The following TRANK1 variants were observed in gnomAD, a reference collection of about 807,000 sequenced individuals.
The protein encoded by TRANK1 is tetratricopeptide repeat and ankyrin repeat containing 1, also known as TPR and ankyrin repeat-containing protein 1.
A neutral mutation model predicts 266.0 loss-of-function variants in TRANK1; 198 were observed. The ratio of observed to expected loss-of-function variants is 0.74; its 90% confidence interval spans 0.66 to 0.84. The LOEUF (loss-of-function observed/expected upper bound fraction) is 0.84, where lower values mean the gene tolerates loss of function less well. Ranked by LOEUF, TRANK1 falls within the 40% of genes least tolerant of loss-of-function variation. The pLI, the probability that TRANK1 is intolerant of heterozygous loss-of-function variation, is 0.00. For missense variants in TRANK1, 3,326 were observed against 3,634.6 expected (o/e 0.92, Z 2.18); for synonymous variants, 1,396 against 1,384.1 (o/e 1.01, Z -0.19).
intron 8 of TRANK1, among the ~76,000 whole-genome samples, chr3:36,875,357 A>G (rs2079371678): frequency 6.6e-6 from 1 of 152,246 alleles, no homozygotes; most frequent in Admixed American, 6.5e-5. Flanking sequence ...CAGGACAAGG[A>G]ATGTGTGTGG....
At chr3:36,935,497 C>G (rs1287570908) in intron 1 of TRANK1, among the ~76,000 whole-genome samples, 1 of 132,318 alleles carries the variant, frequency 7.6e-6, no homozygotes, top group African/African-American at 3.0e-5. Context: ...GTTGCCCAGG[C>G]TGGAATGCAA....
At chr3:36,843,424 T>C (rs1390620569) in intron 17 of TRANK1, among the ~76,000 whole-genome samples, 2 of 152,086 alleles carry the variant, frequency 1.3e-5, no homozygotes, top group South Asian at 2.1e-4. Context: ...AGGTGACAAA[T>C]TTTACACTAT....
chr3:36,914,145 T>G (rs376530183), intron 1 of TRANK1, among the ~76,000 whole-genome samples: 31 of 152,144 alleles, frequency 2.0e-4, no homozygotes, highest in African/African-American at 7.0e-4. Flanking sequence ...GTTTTTGTTT[T>G]TTTTTTGAGA....
chr3:36,923,946 A>G, intron 1 of TRANK1, among the ~76,000 whole-genome samples: 1 of 151,628 alleles, frequency 6.6e-6, no homozygotes, highest in East Asian at 1.9e-4. Flanking sequence ...CCTGAAGGGA[A>G]GAAGACTCTC....
Position 36,889,941 on chromosome 3 carries a change from C to T in TRANK1, c.795G>A (p.Arg265=). ...CIQARENHLF[R]WLMDHKPEWK... is the part of the protein sequence containing the mutation. ...ACTCGGGCTTGTGATCCATTAACCA[C>T]CGGAAAAGATGGTTTTCTCCTGAAG... The change falls in exon 8 of 24, where the codon CGG becomes CGA. Residue 265 remains arginine (R), a synonymous_variant. Coordinates refer to ENST00000645898, the MANE Select transcript of TRANK1 (RefSeq NM_001329998.2). 6.5e-7 allele frequency: 1 copy of T among 1,537,156 alleles called. No homozygotes were observed. The highest frequency in any genetic ancestry group is 1.4e-5 in the African/African-American group (1 of 73,134).
rs2079055676 is a variant in TRANK1, at chr3:36,856,462, A to C, written c.3260T>G (p.Leu1087Trp). ...RSGTGKTTCC[L>W]YRLWKKFHVY... The stretch of plus-strand genomic sequence containing the variant: ...GTGGAATTTCTTCCACAATCTGTAC[A>C]AGCAGCAGGTTGTCTTCCCAGTGCC... Residue 1087 changes from leucine (L) to tryptophan (W), a missense_variant, in exon 13 of 24, where the codon TTG (leucine) becomes TGG (tryptophan). By Grantham distance (61) the Leu-to-Trp change is moderately conservative. Transcript: ENST00000645898. The C allele has an allele frequency of 6.2e-7, 1 of 1,613,828 alleles. No homozygotes were observed. Among genetic ancestry groups the C allele is most frequent in the African/African-American group, 1.3e-5 (1 of 74,914 alleles).
chr3:36,894,283 G>T (rs1434463361), intron 5 of TRANK1, among the ~76,000 whole-genome samples: 1 of 152,192 alleles, frequency 6.6e-6, no homozygotes, highest in East Asian at 1.9e-4. Flanking sequence ...AGAGGACAAG[G>T]TTCTTTCCCT....
rs377601073 is a variant in TRANK1, at chr3:36,831,510, C to G, written c.8073G>C (p.Gln2691His). The change falls in exon 22 of 24, where the codon CAG becomes CAC. Residue 2691 changes from glutamine (Q) to histidine (H), a missense_variant. Gln to His is a conservative substitution (Grantham distance 24). Coordinates refer to ENST00000645898, the MANE Select transcript of TRANK1 (RefSeq NM_001329998.2). The surrounding 1 kb of genome is among the most constrained non-coding windows in gnomAD (Gnocchi z 5.0). ...YFAEPECEFG[Q>H]DEMDELALED... is the part of the protein sequence containing the mutation. ...CTAATGCCAGTTCATCCATCTCATC[C>G]TGGCCAAACTCACACTCAGGTTCAG... The G allele has an allele frequency of 6.2e-7, 1 of 1,613,328 alleles. No homozygotes were observed. Among genetic ancestry groups the G allele is most frequent in the Non-Finnish European group, 8.5e-7 (1 of 1,179,632 alleles).
rs565025681 is a variant in TRANK1 at position 36,856,277 on chromosome 3, T to C, written c.3445A>G (p.Thr1149Ala). Residue 1149 changes from threonine to alanine, a missense_variant, in exon 13 of 24, where the codon ACA becomes GCA. Coordinates refer to ENST00000645898, the MANE Select transcript of TRANK1 (RefSeq NM_001329998.2). ...EEEEDSIEVE[T>A]VESIDEQEYE... ...TCCTGCTCATCTATGCTTTCTACTG[T>C]TTCCACTTCAATAGAATCTTCCTCT... 1.2e-6 allele frequency: 2 copies of C among 1,601,980 alleles called. No homozygotes were observed. The highest frequency in any genetic ancestry group is 1.8e-5 in the Admixed American group (1 of 57,082).
chr3:36,908,954 A>G (rs1162145713), intron 1 of TRANK1, among the ~76,000 whole-genome samples: 1 of 152,148 alleles, frequency 6.6e-6, no homozygotes. Context: ...TGACCACTGT[A>G]CCACATCACG....
intron 18 of TRANK1, among the ~76,000 whole-genome samples, chr3:36,841,057 G>A (rs932179692): frequency 1.8e-4 from 28 of 152,296 alleles, no homozygotes; most frequent in African/African-American, 6.7e-4. Flanking sequence ...CCTTCTCCAG[G>A]CATGTCAGAT....
At chr3:36,945,240 G>T (rs2080557365), upstream of TRANK1, 1 of 171,500 alleles carries the variant, frequency 5.8e-6, no homozygotes, top group African/African-American at 2.4e-5. Flanking sequence ...GAGGGACTAG[G>T]CGCACAACCA....
chr3:36,852,025 C>A (rs2078991155), intron 14 of TRANK1, 121 bp downstream of exon 14: 2 of 1,366,286 alleles, frequency 1.5e-6, no homozygotes, highest in Non-Finnish European at 2.0e-6. Flanking sequence ...ATCTCTGGAA[C>A]TCACCCACTG....
chr3:36,915,391 G>A (rs1276701745), intron 1 of TRANK1, among the ~76,000 whole-genome samples: 4 of 152,150 alleles, frequency 2.6e-5, no homozygotes, highest in African/African-American at 9.7e-5. Context: ...TTTGTGTTGG[G>A]AATGTTCAAT....
intron 1 of TRANK1, among the ~76,000 whole-genome samples, chr3:36,913,611 G>A (rs2080084681): frequency 6.6e-6 from 1 of 151,934 alleles, no homozygotes; most frequent in South Asian, 2.1e-4. Context: ...AATATATCCT[G>A]GGGACTTCAA....
chr3:36,902,596 G>A (rs1244483802), intron 3 of TRANK1, among the ~76,000 whole-genome samples: 3 of 152,190 alleles, frequency 2.0e-5, no homozygotes, highest in Non-Finnish European at 4.4e-5. Flanking sequence ...ATTGACCTTT[G>A]TTAACAATCT....
intron 1 of TRANK1, among the ~76,000 whole-genome samples, chr3:36,918,564 T>A (rs28711416): frequency 0.39 from 5,717 of 14,546 alleles, 1,305 homozygotes; most frequent in Non-Finnish European, 0.43. Flanking sequence ...GGAAGGAAGG[T>A]AGGAAGGAAG....
chr3:36,831,462 G>T lies in TRANK1; in HGVS notation c.8121C>A (p.Ala2707=). ...TCCGTTGCTTTTGGGAAAGAATGGTGGCCAGGACGTGGTCTCGGTCTTCTA... is the reference window on the plus strand; with the variant it reads ...TCCGTTGCTTTTGGGAAAGAATGGTTGCCAGGACGTGGTCTCGGTCTTCTA... The part of the protein sequence containing the change: ...LALEDRDHVL[A]TILSQKQRKA... Residue 2707 remains alanine (A), a synonymous_variant, in exon 22 of 24, where the codon GCC becomes GCA. Transcript: ENST00000645898. This position sits in a 1 kb window ranked among gnomAD's most constrained non-coding sequence, Gnocchi z 5.0. The T allele has an allele frequency of 6.2e-7, 1 of 1,613,094 alleles. No homozygotes were observed. Among genetic ancestry groups the T allele is most frequent in the Non-Finnish European group, 8.5e-7 (1 of 1,179,578 alleles).
rs764907227 is a variant in TRANK1 at position 36,856,924 on chromosome 3, C to T, written c.2798G>A (p.Arg933Gln). 18 of 1,547,432 alleles carry T rather than the reference C, an allele frequency of 1.2e-5. No individual in the cohort carries two copies. Among genetic ancestry groups the T allele is most frequent in the Admixed American group, 5.5e-5 (3 of 54,314 alleles). The change falls in exon 13 of 24, where the codon CGG becomes CAG. Residue 933 changes from arginine to glutamine, a missense_variant. Transcript: ENST00000645898. ...QNTCAMEKSG[R>Q]IYTEIIRIWD... ...AATCCGGATGATTTCCGTGTAGATCCGCCCTGATTTCTCCATTGCACACGT... is the reference window on the plus strand; with the variant it reads ...AATCCGGATGATTTCCGTGTAGATCTGCCCTGATTTCTCCATTGCACACGT...
Sources: gnomAD v4.1 joint callset for allele counts (sites outside exome capture counted in the v4.1 genomes callset) on GRCh38, gnomAD v4.1.1 for gene constraint, Gnocchi (gnomAD v3.1) non-coding constraint, MANE v1.5 for transcripts, NCBI Gene and HGNC (gene_info 2026-07-23, HGNC 2026-07-21) for gene names.